The following CHST11 variants were observed in gnomAD, a reference collection of about 807,000 sequenced individuals.
CHST11 encodes the protein carbohydrate sulfotransferase 11.
Under a neutral mutation model 30.4 loss-of-function variants are expected in CHST11, and 9 were observed. That is an observed-to-expected ratio of 0.30 (90% confidence interval 0.18 to 0.52). CHST11 has a LOEUF of 0.52. Ranked by LOEUF, CHST11 falls within the 20% of genes least tolerant of loss-of-function variation. CHST11 has a pLI of 0.97. For synonymous variants in CHST11, 152 were observed against 187.8 expected, an observed-to-expected ratio of 0.81 and a Z score of 1.56; for missense variants, 348 against 460.6, an observed-to-expected ratio of 0.76 and a Z score of 2.24.
At chr12:104,482,354 GC>G (rs1227572843) in intron 1 of CHST11, among the ~76,000 whole-genome samples, 4 of 27,612 alleles carry the variant, frequency 1.4e-4, no homozygotes, top group East Asian at 7.2e-4. Flanking sequence ...GCCCCCCCCC[GC>G]AAAAATGAAA....
chr12:104,663,024 CACAG>C (rs1346538906), intron 2 of CHST11, among the ~76,000 whole-genome samples: 7 of 152,204 alleles, frequency 4.6e-5, no homozygotes, highest in Non-Finnish European at 7.3e-5. Flanking sequence ...TGTTCCTCAC[CACAG>C]ACAAAGGAAA....
chr12:104,481,711 T>C (rs2037624641), intron 1 of CHST11, among the ~76,000 whole-genome samples: 1 of 152,186 alleles, frequency 6.6e-6, no homozygotes, highest in African/African-American at 2.4e-5. Context: ...ACAGAGTATT[T>C]ACTCGTCTAT....
chr12:104,615,131 G>A (rs553544335), intron 2 of CHST11, among the ~76,000 whole-genome samples: 24 of 152,280 alleles, frequency 1.6e-4, no homozygotes, highest in South Asian at 1.0e-3. Flanking sequence ...GAAGCTGACC[G>A]TCCTTGGAAT....
At chr12:104,517,131 G>A (rs776850050) in intron 1 of CHST11, among the ~76,000 whole-genome samples, 6 of 152,166 alleles carry the variant, frequency 3.9e-5, no homozygotes, top group Non-Finnish European at 8.8e-5. Flanking sequence ...GAGTGGTTAA[G>A]TAACTGGGGG....
chr12:104,666,327 C>A (rs547565662), intron 2 of CHST11, among the ~76,000 whole-genome samples: 4 of 152,158 alleles, frequency 2.6e-5, no homozygotes, highest in African/African-American at 9.6e-5. Context: ...TGGATGCAAG[C>A]GAGAATGGAG....
At chr12:104,664,707 A>G (rs1032877026) in intron 2 of CHST11, among the ~76,000 whole-genome samples, 1 of 152,136 alleles carries the variant, frequency 6.6e-6, no homozygotes, top group East Asian at 1.9e-4. Context: ...ATTTCTTTTT[A>G]TGGTGCCATT....
At chr12:104,717,814 G>A (rs896952239) in intron 2 of CHST11, among the ~76,000 whole-genome samples, 2 of 151,562 alleles carry the variant, frequency 1.3e-5, no homozygotes, top group East Asian at 1.9e-4. Flanking sequence ...GCTGGGCAAG[G>A]TGGTGGGCGC....
At chr12:104,475,661 TATATATATATATA>T (rs1565954797) in intron 1 of CHST11, among the ~76,000 whole-genome samples, 2 of 96,074 alleles carry the variant, frequency 2.1e-5, no homozygotes, top group African/African-American at 3.4e-5. Context: ...AGCAGCATTA[TATATATATATATA>T]TATATATATA....
intron 2 of CHST11, among the ~76,000 whole-genome samples, chr12:104,715,820 G>A (rs1249109761): frequency 6.6e-6 from 1 of 152,204 alleles, no homozygotes; most frequent in Non-Finnish European, 1.5e-5. Flanking sequence ...GGGTTCTGGG[G>A]CTGCAGGCTG....
At chr12:104,488,766 TG>T (rs2037716129) in intron 1 of CHST11, among the ~76,000 whole-genome samples, 1 of 151,254 alleles carries the variant, frequency 6.6e-6, no homozygotes, top group Non-Finnish European at 1.5e-5. Flanking sequence ...TGTGTGTGTG[TG>T]TGTGTCTATA....
At chr12:104,630,055 G>A (rs575066028) in intron 2 of CHST11, among the ~76,000 whole-genome samples, 39 of 152,110 alleles carry the variant, frequency 2.6e-4, no homozygotes, top group Non-Finnish European at 4.4e-4. Context: ...TAGGTTAGCC[G>A]CATCCAGGAT....
chr12:104,684,634 G>T (rs2039829799), intron 2 of CHST11, among the ~76,000 whole-genome samples: 1 of 152,194 alleles, frequency 6.6e-6, no homozygotes, highest in Admixed American at 6.5e-5. Context: ...TGCAACCTCT[G>T]CCTCCCAGGT....
chr12:104,647,718 G>A (rs570666621), intron 2 of CHST11, among the ~76,000 whole-genome samples: 65 of 152,176 alleles, frequency 4.3e-4, no homozygotes, highest in Non-Finnish European at 7.5e-4. Context: ...AACAATAATC[G>A]TGATCTCTCC....
At chr12:104,674,430 A>G (rs903629073) in intron 2 of CHST11, among the ~76,000 whole-genome samples, 4 of 152,150 alleles carry the variant, frequency 2.6e-5, no homozygotes, top group African/African-American at 9.7e-5. Context: ...TACAATCCAC[A>G]TTTTAGAGAT....
Position 104,756,532 on chromosome 12 carries a change from G to GGGGGGTGTGTGTGT in CHST11, c.205-416_205-415insGGGGTGTGTGTGTG, listed in dbSNP as rs1555250374. Among the ~76,000 whole-genome samples, 48 of 143,398 alleles carry GGGGGGTGTGTGTGT rather than the reference G, an allele frequency of 3.3e-4. 1 individual carries two copies. In the East Asian group the frequency reaches 9.5e-3, roughly 28 times the overall value. The allele number at this position is 143,398 out of a possible 152,430, so 94.1% of individuals were successfully genotyped here. A position where few individuals can be genotyped will look rare whatever the true frequency, so the allele number is the denominator to read the frequency against. On this transcript the variant is annotated intron_variant, in intron 2 of 2. Coordinates refer to ENST00000303694, the MANE Select transcript of CHST11 (RefSeq NM_018413.6). Reference sequence around the variant, plus strand: ...CATCATGAGGTCTGGATCCATGTGGGGTGTGTGTGTGTGTGTGTGTGTGTG... The same window carrying GGGGGGTGTGTGTGT: ...CATCATGAGGTCTGGATCCATGTGGGGGGGGTGTGTGTGTGTGTGTGTGTGTGTGTGTGTGTGTG...
At chr12:104,490,211 A>G (rs574930187) in intron 1 of CHST11, among the ~76,000 whole-genome samples, 1 of 152,326 alleles carries the variant, frequency 6.6e-6, no homozygotes, top group Admixed American at 6.5e-5. Flanking sequence ...GAGGAAAAGC[A>G]GGGCAAGCCT....
rs1212340931 is a variant in CHST11, at chr12:104,477,056, A to T, written c.118+19527A>T. ...GTATCTTATTAATGGGCTTCCAGGG[A>T]TAGGGGGATTCATGAATGGACAAGT... On this transcript the variant is annotated intron_variant, in intron 1 of 2. Coordinates refer to ENST00000303694, the MANE Select transcript of CHST11 (RefSeq NM_018413.6). 2.0e-5 allele frequency among the ~76,000 whole-genome samples: 3 copies of T among 152,108 alleles called. No individual in the cohort carries two copies. The East Asian group carries it at 5.8e-4, about 29-fold the overall frequency.
intron 2 of CHST11, among the ~76,000 whole-genome samples, chr12:104,685,479 G>C (rs2039837942): frequency 6.6e-6 from 1 of 152,084 alleles, no homozygotes; most frequent in South Asian, 2.1e-4. Flanking sequence ...CTCCATTTTT[G>C]AATATTCATC....
chr12:104,598,716 CT>C (rs2038929654), intron 1 of CHST11, among the ~76,000 whole-genome samples: 1 of 152,198 alleles, frequency 6.6e-6, no homozygotes, highest in Admixed American at 6.5e-5. Flanking sequence ...GGAACTTTAT[CT>C]TTTCTTGACT....
Sources: allele counts gnomAD v4.1 joint callset (sites outside exome capture counted in the v4.1 genomes callset), GRCh38; gene constraint gnomAD v4.1.1; transcripts MANE v1.5; gene names NCBI Gene and HGNC (gene_info 2026-07-23, HGNC 2026-07-21).